The following TTC38 variants were observed in gnomAD, a reference collection of about 807,000 sequenced individuals.
TTC38 encodes the protein tetratricopeptide repeat protein 38.
In TTC38, 64 loss-of-function variants were observed where a neutral mutation model predicts 64.2. That is an observed-to-expected ratio of 1.00 (90% confidence interval 0.81 to 1.23). The LOEUF (loss-of-function observed/expected upper bound fraction) is 1.23. Ranked by LOEUF, TTC38 falls within the 50% of genes most tolerant of loss-of-function variation. The pLI is 0.00. For missense variants in TTC38, 573 were observed against 615.5 expected (o/e 0.93, Z 0.73); for synonymous variants, 254 against 249.3 (o/e 1.02, Z -0.18).
chr22:46,270,885 C>G lies in TTC38; in HGVS notation c.112-1450C>G, dbSNP rs1373236180. On this transcript the variant is annotated intron_variant, in intron 2 of 13. Coordinates refer to ENST00000381031, the MANE Select transcript of TTC38 (RefSeq NM_017931.4). This position sits in a 1 kb window ranked among gnomAD's most constrained non-coding sequence, Gnocchi z 4.7. ...GGCGCAGTGGTGCACACCTGTAATCCCAGCTACTAAGGAGGGATTCTCCTA... is the reference window on the plus strand; with the variant it reads ...GGCGCAGTGGTGCACACCTGTAATCGCAGCTACTAAGGAGGGATTCTCCTA... 6.6e-6 allele frequency among the ~76,000 whole-genome samples: 1 copy of G among 150,474 alleles called. No homozygotes were observed. The highest frequency in any genetic ancestry group is 1.5e-5 in the Non-Finnish European group (1 of 67,714).
intron 6 of TTC38, chr22:46,280,156 A>T (rs1244491722): frequency 4.2e-6 from 2 of 471,126 alleles, no homozygotes; most frequent in Non-Finnish European, 8.8e-6. Context: ...GAGTGGTAAC[A>T]CATGGGCTCT....
At chr22:46,283,114 T>C (rs2077546825) in intron 7 of TTC38, among the ~76,000 whole-genome samples, 1 of 152,046 alleles carries the variant, frequency 6.6e-6, no homozygotes, top group South Asian at 2.1e-4. Flanking sequence ...ATTTTTTTTT[T>C]TTAGAGAGAC....
At chr22:46,278,535 C>T (rs774942876) in intron 5 of TTC38, 51 bp from the exon 6 acceptor site, 1 of 1,502,506 alleles carries the variant, frequency 6.7e-7, no homozygotes, top group Non-Finnish European at 9.3e-7. Flanking sequence ...ACAGTTCAAC[C>T]TGCTACCCAT....
At position 46,281,638 on chromosome 22, in the gene TTC38, A is replaced by G. The variant is rs2077535746; in HGVS notation, c.655A>G (p.Thr219Ala). ...CCCGACAGACGCATGGTCGGTGCAC[A>G]CCGTCGCTCACATCCACGAGATGAA... Reference protein sequence around the residue: ...INPTDAWSVHTVAHIHEMKAE... With the variant: ...INPTDAWSVHAVAHIHEMKAE... Residue 219 changes from threonine (T) to alanine (A), a missense_variant, in exon 7 of 14, where the codon ACC becomes GCC. Thr to Ala is a moderately conservative substitution (Grantham distance 58). This residue lies in a region of TTC38 where 371 missense variants were observed against 381.8 expected (regional missense o/e 0.97). Transcript: ENST00000381031. The surrounding 1 kb of genome is among the most constrained non-coding windows in gnomAD (Gnocchi z 5.2). 6.2e-7 allele frequency: 1 copy of G among 1,614,028 alleles called. No homozygotes were observed. The highest frequency in any genetic ancestry group is 8.5e-7 in the Non-Finnish European group (1 of 1,180,026).
Position 46,287,466 on chromosome 22 carries a change from C to T in TTC38, c.916+312C>T, listed in dbSNP as rs1010620180. ...ATGGCTGGCCTGCCTGCCAAACCTT[C>T]GGGGCACTGGTAGCACCTGGCCACC... is the stretch of plus-strand genomic sequence containing the variant. On this transcript the variant is annotated intron_variant, in intron 10 of 13. Coordinates refer to ENST00000381031, the MANE Select transcript of TTC38 (RefSeq NM_017931.4). Among the ~76,000 whole-genome samples, 10 of 152,256 alleles carry T rather than the reference C, an allele frequency of 6.6e-5. No individual in the cohort carries two copies. The South Asian group carries it at 1.4e-3, about 22-fold the overall frequency.
rs1265528932 is a variant in TTC38 at position 46,292,319 on chromosome 22, G to A, written c.1317-472G>A. 2 of 376,604 alleles carry A rather than the reference G, an allele frequency of 5.3e-6. No individual in the cohort carries two copies. Among genetic ancestry groups the A allele is most frequent in the East Asian group, 1.5e-4 (2 of 13,244 alleles). 23.3% of individuals were successfully genotyped at this position (376,604 alleles called of 1,614,324 possible). On this transcript the variant is annotated intron_variant, in intron 13 of 13. Coordinates refer to ENST00000381031, the MANE Select transcript of TTC38 (RefSeq NM_017931.4). This position sits in a 1 kb window ranked among gnomAD's most constrained non-coding sequence, Gnocchi z 6.5. ...CTGCCTCATCCTTCCATCGTGCAGG[G>A]ATTACAGGGGTGAGCCACCACACCT... is the stretch of plus-strand genomic sequence containing the variant.
Position 46,272,343 on chromosome 22 carries a change from A to G in TTC38, c.120A>G (p.Lys40=), listed in dbSNP as rs776651173. The G allele has an allele frequency of 1.2e-6, 2 of 1,613,742 alleles. No individual in the cohort carries two copies. Among genetic ancestry groups the G allele is most frequent in the Middle Eastern group, 1.6e-4 (1 of 6,062 alleles). The change falls in exon 3 of 14, where the codon AAA becomes AAG. Residue 40 remains lysine, a synonymous_variant. Transcript: ENST00000381031. The surrounding 1 kb of genome is among the most constrained non-coding windows in gnomAD (Gnocchi z 6.4). ...TGCTTTTCCCATTTCAGTATGTAAA[A>G]TGGACCAATGACAAGAGTCTCGGTG... ...LFDATLTQYV[K]WTNDKSLGGI...
In TTC38 at chr22:46,275,228, A is replaced by G. The variant is rs370693252; in HGVS notation, c.366-20A>G. ...GGACTATGTGTTCAGCGTTGGTGAGAAATCTTTCTCGGTTTCCAGGAACTT... is the reference window on the plus strand; with the variant it reads ...GGACTATGTGTTCAGCGTTGGTGAGGAATCTTTCTCGGTTTCCAGGAACTT... On this transcript the variant is annotated intron_variant, in intron 4 of 13. Transcript: ENST00000381031. The surrounding 1 kb of genome is among the most constrained non-coding windows in gnomAD (Gnocchi z 4.5). The G allele has an allele frequency of 5.0e-6, 8 of 1,609,844 alleles. No homozygotes were observed. In the African/African-American group the frequency reaches 1.1e-4, roughly 22 times the overall value.
chr22:46,289,748 A>C (rs2077599576), intron 12 of TTC38, 78 bp from the exon 13 acceptor site: 1 of 1,538,070 alleles, frequency 6.5e-7, no homozygotes, highest in African/African-American at 1.4e-5. Context: ...CCTGGAGAGC[A>C]GGCAGCCCGC....
intron 7 of TTC38, among the ~76,000 whole-genome samples, chr22:46,283,294 C>G (rs1198780127): frequency 6.6e-6 from 1 of 152,152 alleles, no homozygotes; most frequent in Non-Finnish European, 1.5e-5. Flanking sequence ...ATGGGCCTCG[C>G]ACCTCCCTGT....
At chr22:46,287,440 C>T (rs1423129924) in intron 10 of TTC38, among the ~76,000 whole-genome samples, 1 of 152,266 alleles carries the variant, frequency 6.6e-6, no homozygotes, top group Non-Finnish European at 1.5e-5. Flanking sequence ...GTGCTGTTCC[C>T]ATGGCTGGCC....
chr22:46,287,114 G>T lies in TTC38; in HGVS notation c.876G>T (p.Val292=). 1 of 1,606,000 alleles carries T rather than the reference G, an allele frequency of 6.2e-7. No homozygotes were observed. Residue 292 remains valine, a synonymous_variant, in exon 10 of 14, where the codon GTG becomes GTT. Transcript: ENST00000381031. The part of the protein sequence containing the change: ...SLQANDAMLD[V]VDSCSMLYRL... ...AGGCCAACGATGCAATGCTGGACGT[G>T]GTGGACAGCTGCTCCATGCTCTACC...
rs1004890161 is a variant in TTC38, at chr22:46,276,324, G to T, written c.539+903G>T. 6.6e-6 allele frequency among the ~76,000 whole-genome samples: 1 copy of T among 152,030 alleles called. No homozygotes were observed. The highest frequency in any genetic ancestry group is 2.4e-5 in the African/African-American group (1 of 41,376). On this transcript the variant is annotated intron_variant, in intron 5 of 13. Transcript: ENST00000381031. The surrounding 1 kb of genome is among the most constrained non-coding windows in gnomAD (Gnocchi z 4.7). ...TAGGGGCCTCCGTCTTTCTCTTAAG[G>T]CCTTTAACTGATTGGATGAGGCCCA... is the stretch of plus-strand genomic sequence containing the variant.
intron 7 of TTC38, among the ~76,000 whole-genome samples, chr22:46,283,679 CTG>C (rs2077550691): frequency 1.3e-5 from 2 of 151,958 alleles, no homozygotes; most frequent in Non-Finnish European, 2.9e-5. Context: ...TGGTGAAACC[CTG>C]TCTCTACCAA....
chr22:46,270,249 A>ACCCTCCTG lies in TTC38; in HGVS notation c.111+1658_111+1659insCCCTCCTG, dbSNP rs1470239802. On this transcript the variant is annotated intron_variant, in intron 2 of 13. Transcript: ENST00000381031. This position sits in a 1 kb window ranked among gnomAD's most constrained non-coding sequence, Gnocchi z 4.7. ...GTGCCAACCCTCCTGTATCTTGTCA[A>ACCCTCCTG]AATGCTTGCGTAGCTTATAGTCTCA... 6.6e-5 allele frequency among the ~76,000 whole-genome samples: 10 copies of ACCCTCCTG among 152,132 alleles called. No individual in the cohort carries two copies. Among genetic ancestry groups the ACCCTCCTG allele is most frequent in the African/African-American group, 2.4e-4 (10 of 41,402 alleles).
chr22:46,279,005 C>T (rs551633286), intron 6 of TTC38, among the ~76,000 whole-genome samples: 5 of 152,226 alleles, frequency 3.3e-5, no homozygotes, highest in Non-Finnish European at 7.4e-5. Context: ...TGCCTGGCTC[C>T]GGAGCCCACA....
At position 46,275,294 on chromosome 22, in the gene TTC38, C is replaced by T. The variant is rs758582360; in HGVS notation, c.412C>T (p.His138Tyr). 1.2e-5 allele frequency: 20 copies of T among 1,614,016 alleles called. No individual in the cohort carries two copies. Among genetic ancestry groups the T allele is most frequent in the Admixed American group, 1.7e-5 (1 of 59,990 alleles). Residue 138 changes from histidine (H) to tyrosine (Y), a missense_variant, in exon 5 of 14, where the codon CAC (histidine) becomes TAC (tyrosine). Physicochemically the swap from His to Tyr is moderately conservative, Grantham distance 83. Transcript: ENST00000381031. This position sits in a 1 kb window ranked among gnomAD's most constrained non-coding sequence, Gnocchi z 4.5. ...CELWEQILQD[H>Y]PTDMLALKFS... ...ACTATGGGAACAGATTCTCCAGGAC[C>T]ACCCGACAGACATGTTGGCCCTGAA...
At position 46,281,683 on chromosome 22, in the gene TTC38, T is replaced by C. The variant is rs1266256804; in HGVS notation, c.700T>C (p.Leu234=). The C allele has an allele frequency of 5.0e-6, 8 of 1,613,888 alleles. No individual in the cohort carries two copies. The highest frequency in any genetic ancestry group is 4.0e-5 in the African/African-American group (3 of 74,886). The change falls in exon 7 of 14, where the codon TTG becomes CTG. Residue 234 remains leucine (L), a synonymous_variant. Coordinates refer to ENST00000381031, the MANE Select transcript of TTC38 (RefSeq NM_017931.4). The surrounding 1 kb of genome is among the most constrained non-coding windows in gnomAD (Gnocchi z 5.2). Reference sequence around the variant, plus strand: ...GATGAAAGCAGAGATCAAGGATGGGTTGGAATTCATGCAGCACTCAGAGAC... The same window carrying C: ...GATGAAAGCAGAGATCAAGGATGGGCTGGAATTCATGCAGCACTCAGAGAC... ...HEMKAEIKDG[L]EFMQHSETFW...
At position 46,289,504 on chromosome 22, in the gene TTC38, G is replaced by A. The variant is rs187758233; in HGVS notation, c.1185G>A (p.Leu395=). ...EAEDGNPDRV[L]ELLLPIRYRI... The stretch of plus-strand genomic sequence containing the variant: ...AGGACGGGAACCCTGACCGCGTCCT[G>A]GAGCTGCTCCTGCCCATCCGCTACC... Residue 395 remains leucine, a synonymous_variant, in exon 12 of 14, where the codon CTG becomes CTA. Transcript: ENST00000381031. 7.9e-4 allele frequency: 1,270 copies of A among 1,608,276 alleles called. 6 individuals carry two copies. In the African/African-American group the frequency reaches 0.014, roughly 18 times the overall value.
Sources: allele counts gnomAD v4.1 joint callset (sites outside exome capture counted in the v4.1 genomes callset), GRCh38; gene constraint gnomAD v4.1.1; regional missense constraint gnomAD v4.1.1; non-coding constraint Gnocchi (gnomAD v3.1); transcripts MANE v1.5; gene names NCBI Gene and HGNC (gene_info 2026-07-23, HGNC 2026-07-21).